Variants in SLC38A11 observed in about 807,000 individuals in gnomAD.
The protein encoded by SLC38A11 is solute carrier family 38 member 11.
A neutral mutation model predicts 49.4 loss-of-function variants in SLC38A11; 51 were observed. The ratio of observed to expected loss-of-function variants is 1.03; its 90% CI spans 0.83 to 1.30. The LOEUF is 1.30. SLC38A11 is among the 50% of genes most tolerant of loss of function. The probability of loss-of-function intolerance (pLI) is 0.00; values close to 1 mark genes in which losing one functional copy is unlikely to be tolerated. For missense variants in SLC38A11, 574 were observed against 556.2 expected, an observed-to-expected ratio of 1.03 and a Z score of -0.32; for synonymous variants, 203 against 192.9, an observed-to-expected ratio of 1.05 and a Z score of -0.43.
chr2:164,952,470 T>C (rs1030211404), intron 3 of SLC38A11, among the ~76,000 whole-genome samples: 3 of 152,258 alleles, frequency 2.0e-5, no homozygotes, highest in Non-Finnish European at 4.4e-5. Flanking sequence ...AAAAGGCACA[T>C]GAAAAGGATT....
chr2:164,912,769 A>G (rs1488311542), intron 9 of SLC38A11, among the ~76,000 whole-genome samples: 1 of 152,060 alleles, frequency 6.6e-6, no homozygotes, highest in Non-Finnish European at 1.5e-5. Flanking sequence ...ACCTTGAAAC[A>G]ATTCTTATTT....
chr2:164,929,632 T>C (rs1039291253), intron 7 of SLC38A11, among the ~76,000 whole-genome samples: 3 of 152,170 alleles, frequency 2.0e-5, no homozygotes, highest in Non-Finnish European at 4.4e-5. Flanking sequence ...ATGTCTGATT[T>C]CATTAATTGA....
At chr2:164,942,973 C>A (rs1687882463) in intron 5 of SLC38A11, among the ~76,000 whole-genome samples, 2 of 152,318 alleles carry the variant, frequency 1.3e-5, no homozygotes, top group Admixed American at 1.3e-4. Context: ...ATAGCTATGT[C>A]TCCGTGATCT....
chr2:164,920,131 G>A lies in SLC38A11; in HGVS notation c.618-4158C>T, dbSNP rs139022936. Among the ~76,000 whole-genome samples, 1,367 of 152,046 alleles carry A rather than the reference G, an allele frequency of 9.0e-3. 18 individuals are homozygous for A. Among genetic ancestry groups the A allele is most frequent in the African/African-American group, 0.03 (1,259 of 41,486 alleles). On this transcript the variant is annotated intron_variant, in intron 7 of 11. Coordinates refer to ENST00000685975, the MANE Select transcript of SLC38A11 (RefSeq NM_001351537.2). The stretch of plus-strand genomic sequence containing the variant: ...TGTACTAAAAATACAAAAATTAGCC[G>A]GGTGTGGTGGCGTGGGCCTGTAATC...
intron 2 of SLC38A11, 138 bp downstream of exon 2, chr2:164,954,493 G>A: frequency 2.1e-6 from 1 of 487,296 alleles, no homozygotes; most frequent in Non-Finnish European, 3.7e-6. Context: ...AAAAAAGGAA[G>A]CCTTTTATGG....
chr2:164,928,125 C>A (rs967952309), intron 7 of SLC38A11, among the ~76,000 whole-genome samples: 2 of 152,160 alleles, frequency 1.3e-5, no homozygotes, highest in Non-Finnish European at 2.9e-5. Context: ...TTGCAAATAT[C>A]TTTCCTATTT....
Position 164,917,058 on chromosome 2 carries a change from A to G in SLC38A11, c.618-1085T>C, listed in dbSNP as rs143818841. Among the ~76,000 whole-genome samples the G allele has an allele frequency of 5.3e-3, 812 of 152,310 alleles. 22 individuals carry two copies. The highest frequency in any genetic ancestry group is 0.047 in the Admixed American group (723 of 15,262). ...CATAGCACATGTTCAATAAACAGTT[A>G]TTAGTATTAATGTTATTATCCAGCA... On this transcript the variant is annotated intron_variant, in intron 7 of 11. Transcript: ENST00000685975.
intron 11 of SLC38A11, among the ~76,000 whole-genome samples, chr2:164,900,745 G>A (rs1684596902): frequency 6.6e-6 from 1 of 151,890 alleles, no homozygotes. Flanking sequence ...TTCCCAATCT[G>A]TACGTTGTCT....
chr2:164,945,791 C>T, intron 3 of SLC38A11, 64 bp from the exon 4 acceptor site: 1 of 1,536,962 alleles, frequency 6.5e-7, no homozygotes, highest in Non-Finnish European at 8.7e-7. Context: ...CATGTTTTAA[C>T]TTAATTACCA....
intron 9 of SLC38A11, among the ~76,000 whole-genome samples, chr2:164,913,708 TGTACAGACCA>T (rs1406188023): frequency 3.3e-5 from 5 of 152,054 alleles, no homozygotes; most frequent in African/African-American, 1.2e-4. Context: ...ACCAAGGTCC[TGTACAGACCA>T]GAGCCCATAG....
chr2:164,949,229 T>G (rs1688353420), intron 3 of SLC38A11, among the ~76,000 whole-genome samples: 1 of 151,838 alleles, frequency 6.6e-6, no homozygotes, highest in South Asian at 2.1e-4. Context: ...AAATATATTT[T>G]TATTTATTTA....
chr2:164,913,988 C>A, intron 9 of SLC38A11, among the ~76,000 whole-genome samples: 1 of 151,926 alleles, frequency 6.6e-6, no homozygotes, highest in East Asian at 1.9e-4. Flanking sequence ...CCAAGAGCAC[C>A]CAGGTTTTCA....
At chr2:164,953,487 T>C (rs1026176925) in intron 2 of SLC38A11, among the ~76,000 whole-genome samples, 1 of 152,204 alleles carries the variant, frequency 6.6e-6, no homozygotes, top group African/African-American at 2.4e-5. Flanking sequence ...ACGGCTTAAC[T>C]TAACACGTTC....
chr2:164,943,249 C>G (rs1687901919), intron 5 of SLC38A11, among the ~76,000 whole-genome samples: 1 of 152,108 alleles, frequency 6.6e-6, no homozygotes, highest in Non-Finnish European at 1.5e-5. Context: ...AAAAGTTGAA[C>G]AGGGAGTGGA....
At chr2:164,900,015 TA>T (rs1409435228) in intron 11 of SLC38A11, among the ~76,000 whole-genome samples, 3 of 152,076 alleles carry the variant, frequency 2.0e-5, no homozygotes, top group Admixed American at 6.6e-5. Context: ...ATTAGGCATT[TA>T]AAAAAATATT....
At chr2:164,907,270 C>CTCTTTTT (rs1685074291) in intron 11 of SLC38A11, among the ~76,000 whole-genome samples, 1 of 97,916 alleles carries the variant, frequency 1.0e-5, no homozygotes, top group East Asian at 3.5e-4. Context: ...CTTCTTTTCT[C>CTCTTTTT]TTTTTTTTTT....
At chr2:164,901,598 T>C (rs1403472505) in intron 11 of SLC38A11, among the ~76,000 whole-genome samples, 2 of 152,196 alleles carry the variant, frequency 1.3e-5, no homozygotes, top group Non-Finnish European at 2.9e-5. Flanking sequence ...TTTTTGTATG[T>C]TGGTTTTATA....
At chr2:164,933,286 A>G (rs950123955) in intron 7 of SLC38A11, among the ~76,000 whole-genome samples, 1 of 152,084 alleles carries the variant, frequency 6.6e-6, no homozygotes, top group Admixed American at 6.6e-5. Flanking sequence ...TCTAGTTAGA[A>G]AAAAATTGGG....
chr2:164,923,911 A>C (rs1686388577), intron 7 of SLC38A11, among the ~76,000 whole-genome samples: 1 of 152,186 alleles, frequency 6.6e-6, no homozygotes, highest in Non-Finnish European at 1.5e-5. Flanking sequence ...GTTTGGAGAT[A>C]TTTCAAATAA....
Sources: gnomAD v4.1 joint callset for allele counts (sites outside exome capture counted in the v4.1 genomes callset) on GRCh38, gnomAD v4.1.1 for gene constraint, MANE v1.5 for transcripts, NCBI Gene and HGNC (gene_info 2026-07-23, HGNC 2026-07-21) for gene names.